Variants in ARMC3 observed in about 807,000 individuals in gnomAD.
The protein encoded by ARMC3 is armadillo repeat-containing protein 3.
Under a neutral mutation model 90.3 loss-of-function variants are expected in ARMC3, and 74 were observed. That is an observed-to-expected ratio of 0.82 (90% CI 0.68 to 0.99). The LOEUF is 0.99. Among genes scored for constraint, ARMC3 ranks in the 50% least tolerant of loss-of-function variants. ARMC3 has a pLI of 0.00. For missense variants in ARMC3, 958 were observed against 1,042.8 expected (o/e 0.92, Z 1.12); for synonymous variants, 334 against 361.8 (o/e 0.92, Z 0.87).
chr10:22,994,356 C>T (rs1777708705), intron 10 of ARMC3, among the ~76,000 whole-genome samples: 1 of 152,062 alleles, frequency 6.6e-6, no homozygotes, highest in Non-Finnish European at 1.5e-5. Context: ...ATGGGGCTGG[C>T]GTGAGAAGTG....
At chr10:22,994,868 A>G (rs1448958692) in intron 10 of ARMC3, among the ~76,000 whole-genome samples, 1 of 152,242 alleles carries the variant, frequency 6.6e-6, no homozygotes, top group Non-Finnish European at 1.5e-5. Flanking sequence ...CTGTTTACAT[A>G]TATCAAATGA....
chr10:23,012,584 C>G (rs538171592), intron 16 of ARMC3, among the ~76,000 whole-genome samples: 3 of 152,214 alleles, frequency 2.0e-5, no homozygotes, highest in African/African-American at 4.8e-5. Context: ...GCTCCCTCCC[C>G]CTCTCTTCCC....
rs371666632 is a variant in ARMC3, at chr10:22,944,686, A to G, written c.49-1458A>G. 1.7e-3 allele frequency among the ~76,000 whole-genome samples: 259 copies of G among 152,278 alleles called. 1 individual carries two copies. The highest frequency in any genetic ancestry group is 5.9e-3 in the African/African-American group (244 of 41,558). On this transcript the variant is annotated intron_variant, in intron 2 of 18. Coordinates refer to ENST00000298032, the MANE Select transcript of ARMC3 (RefSeq NM_173081.5). ...TGAGGTCCTCGGGCATTCTGGGGCT[A>G]CCCTTTAATACCTAAAGAGGATGGT...
chr10:23,005,754 C>T (rs997704808), intron 13 of ARMC3, among the ~76,000 whole-genome samples: 1 of 152,086 alleles, frequency 6.6e-6, no homozygotes, highest in Non-Finnish European at 1.5e-5. Flanking sequence ...ATCCCAACTA[C>T]TCGAGAGGCT....
intron 16 of ARMC3, among the ~76,000 whole-genome samples, chr10:23,025,659 A>C (rs1373686812): frequency 6.6e-6 from 1 of 152,120 alleles, no homozygotes; most frequent in Non-Finnish European, 1.5e-5. Flanking sequence ...GTCTCAAATC[A>C]ACAATCTGAG....
In ARMC3 at chr10:22,959,097, T is replaced by C; in HGVS notation, c.320T>C (p.Leu107Ser). 1.2e-6 allele frequency: 2 copies of C among 1,612,800 alleles called. No homozygotes were observed. Among genetic ancestry groups the C allele is most frequent in the East Asian group, 4.5e-5 (2 of 44,872 alleles). Residue 107 changes from leucine (L) to serine (S), a missense_variant, in exon 5 of 19, where the codon TTA (leucine) becomes TCA (serine). Coordinates refer to ENST00000298032, the MANE Select transcript of ARMC3 (RefSeq NM_173081.5). ...GATGTTAAAAAATTGTTAAGGGAGTTAGATGTCATGAATTCTGTCATTGCC... is the reference window on the plus strand; with the variant it reads ...GATGTTAAAAAATTGTTAAGGGAGTCAGATGTCATGAATTCTGTCATTGCC... ...NNDVKKLLRE[L>S]DVMNSVIAQL...
intron 4 of ARMC3, 63 bp downstream of exon 4, chr10:22,955,995 A>G (rs1564350706): frequency 7.1e-7 from 1 of 1,405,002 alleles, no homozygotes. Flanking sequence ...ATTCTTTTAA[A>G]TTTAACATTA....
intron 2 of ARMC3, among the ~76,000 whole-genome samples, chr10:22,937,561 G>A (rs1834159792): frequency 6.6e-6 from 1 of 152,094 alleles, no homozygotes; most frequent in Non-Finnish European, 1.5e-5. Flanking sequence ...GGAGTTTGCG[G>A]GGCAATCAAG....
chr10:22,961,932 ATCTTAGATCTCTTG>A lies in ARMC3; in HGVS notation c.587_600del (p.Ile196LysfsTer21), dbSNP rs749154106. 3.1e-6 allele frequency: 5 copies of A among 1,611,822 alleles called. No individual in the cohort carries two copies. The highest frequency in any genetic ancestry group is 4.2e-6 in the Non-Finnish European group (5 of 1,179,336). Reference sequence around the variant, plus strand: ...TCAAGAACTAAATGCAATACCTCCTATCTTAGATCTCTTGAAGTCAGAATATCCAGTGATTCAGT... The same window carrying A: ...TCAAGAACTAAATGCAATACCTCCTAAAGTCAGAATATCCAGTGATTCAGT... On this transcript the variant is annotated frameshift_variant, in exon 7 of 19. Transcript: ENST00000298032. LOFTEE classifies it high-confidence loss of function.
At chr10:22,963,460 T>C (rs1267699085) in intron 7 of ARMC3, among the ~76,000 whole-genome samples, 1 of 152,100 alleles carries the variant, frequency 6.6e-6, no homozygotes, top group Non-Finnish European at 1.5e-5. Context: ...GAGTGAAACA[T>C]CAAAATTCTT....
intron 7 of ARMC3, among the ~76,000 whole-genome samples, chr10:22,964,671 C>G (rs1835371144): frequency 6.6e-6 from 1 of 151,714 alleles, no homozygotes; most frequent in Non-Finnish European, 1.5e-5. Context: ...GAACTCCTGA[C>G]CTCAGGTGAT....
At chr10:22,998,015 C>A in intron 10 of ARMC3, 133 bp from the exon 11 acceptor site, 2 of 1,084,762 alleles carry the variant, frequency 1.8e-6, no homozygotes, top group Non-Finnish European at 2.6e-6. Flanking sequence ...ATTCTGGGTT[C>A]ATTGCATGGC....
intron 2 of ARMC3, among the ~76,000 whole-genome samples, chr10:22,942,874 T>A (rs1834372900): frequency 6.6e-6 from 1 of 152,160 alleles, no homozygotes; most frequent in Non-Finnish European, 1.5e-5. Flanking sequence ...TATATAGCCA[T>A]AAGAAATATG....
chr10:22,951,290 C>T (rs1834731457), intron 3 of ARMC3, among the ~76,000 whole-genome samples: 1 of 152,042 alleles, frequency 6.6e-6, no homozygotes, highest in African/African-American at 2.4e-5. Context: ...ATACACGAAG[C>T]TAATAATGCA....
chr10:22,975,928 C>A (rs1013569851), intron 8 of ARMC3, among the ~76,000 whole-genome samples: 1 of 152,148 alleles, frequency 6.6e-6, no homozygotes, highest in African/African-American at 2.4e-5. Flanking sequence ...TAATGCTCAT[C>A]ATGGAATGCA....
At chr10:22,957,488 C>T (rs1179318923) in intron 4 of ARMC3, among the ~76,000 whole-genome samples, 3 of 152,062 alleles carry the variant, frequency 2.0e-5, no homozygotes, top group Non-Finnish European at 4.4e-5. Flanking sequence ...GGAGTGTTTC[C>T]GGAGATGGCA....
intron 18 of ARMC3, among the ~76,000 whole-genome samples, chr10:23,034,145 A>G (rs1171883691): frequency 6.6e-6 from 1 of 151,502 alleles, no homozygotes; most frequent in African/African-American, 2.4e-5. Context: ...TCCCTTTCCT[A>G]TTCCCTTGGA....
intron 2 of ARMC3, among the ~76,000 whole-genome samples, chr10:22,938,398 T>G (rs1489829515): frequency 6.6e-6 from 1 of 152,168 alleles, no homozygotes; most frequent in African/African-American, 2.4e-5. Context: ...GAGAATTCGT[T>G]GGAAGGTGAC....
In ARMC3 at chr10:22,981,706, T is replaced by C; in HGVS notation, c.1175+6T>C. ...TGCAACCCTGCTAATGCAAAGTAAG[T>C]TCAGAGATCCTCACCCAGCACTGAC... On this transcript the variant is annotated splice_donor_region_variant and intron_variant, in intron 10 of 18. Transcript: ENST00000298032. The C allele has an allele frequency of 6.2e-7, 1 of 1,608,714 alleles. No individual in the cohort carries two copies. Among genetic ancestry groups the C allele is most frequent in the South Asian group, 1.1e-5 (1 of 90,478 alleles).
Sources: gnomAD v4.1 joint callset for allele counts (sites outside exome capture counted in the v4.1 genomes callset) on GRCh38, gnomAD v4.1.1 for gene constraint, MANE v1.5 for transcripts, NCBI Gene and HGNC (gene_info 2026-07-23, HGNC 2026-07-21) for gene names.